ZNF107: variants seen among roughly 807,000 people sequenced by gnomAD.
The protein encoded by ZNF107 is zinc finger protein 107.
ZNF107 carries 19 observed loss-of-function variants against 12.3 expected under a neutral mutation model. That is an observed-to-expected ratio of 1.55 (90% CI 1.08 to 2.27). The LOEUF (loss-of-function observed/expected upper bound fraction) is 2.27. Ranked by LOEUF, ZNF107 falls within the 30% of genes most tolerant of loss-of-function variation. The probability of loss-of-function intolerance (pLI) is 0.00; values close to 1 mark genes in which losing one functional copy is unlikely to be tolerated. For missense variants in ZNF107, 958 were observed against 979.9 expected, an observed-to-expected ratio of 0.98 and a Z score of 0.30; for synonymous variants, 317 against 330.5, an observed-to-expected ratio of 0.96 and a Z score of 0.44.
rs144717847 is a variant in ZNF107, at chr7:64,666,688, G to T, written c.3+403G>T. On this transcript the variant is annotated intron_variant, in intron 1 of 3. Transcript: ENST00000620827. ...AATGGGAAAAGCTTTAGTCTGTGGG[G>T]TTCCTAGTCCATCTTTTTTCTCTTA... is the stretch of plus-strand genomic sequence containing the variant. Among the ~76,000 whole-genome samples the T allele has an allele frequency of 7.1e-3, 1,079 of 152,292 alleles. 13 individuals carry two copies. Among genetic ancestry groups the T allele is most frequent in the Middle Eastern group, 0.037 (11 of 294 alleles).
chr7:64,677,027 C>T (rs919586573), intron 1 of ZNF107, among the ~76,000 whole-genome samples: 1 of 152,148 alleles, frequency 6.6e-6, no homozygotes, highest in African/African-American at 2.4e-5. Context: ...ACATCCCACC[C>T]TTTTCCTTTT....
chr7:64,671,193 G>A (rs774939273), intron 1 of ZNF107, among the ~76,000 whole-genome samples: 4 of 152,046 alleles, frequency 2.6e-5, no homozygotes, highest in Non-Finnish European at 5.9e-5. Flanking sequence ...GTGATTCCAG[G>A]TCTCCTTCCA....
chr7:64,695,320 C>T (rs1001174593), intron 3 of ZNF107, among the ~76,000 whole-genome samples: 3 of 152,114 alleles, frequency 2.0e-5, no homozygotes, highest in Non-Finnish European at 2.9e-5. Context: ...TGAACTTTTA[C>T]TGCCACACAA....
intron 1 of ZNF107, among the ~76,000 whole-genome samples, chr7:64,673,952 T>A (rs764662047): frequency 2.0e-5 from 3 of 152,116 alleles, no homozygotes; most frequent in Non-Finnish European, 2.9e-5. Flanking sequence ...TTGTTGTTGT[T>A]GTTTTATTTT....
chr7:64,675,140 C>T (rs189855997), intron 1 of ZNF107, among the ~76,000 whole-genome samples: 65 of 152,152 alleles, frequency 4.3e-4, no homozygotes, highest in South Asian at 3.5e-3. Flanking sequence ...GGAAGAGTGC[C>T]TTCTCAATTT....
chr7:64,686,139 C>T (rs777330262), intron 1 of ZNF107, among the ~76,000 whole-genome samples: 3 of 152,122 alleles, frequency 2.0e-5, no homozygotes, highest in Non-Finnish European at 4.4e-5. Context: ...GTGGGCTATG[C>T]ACCTTTTTAG....
intron 1 of ZNF107, chr7:64,686,546 C>G: frequency 2.0e-6 from 2 of 985,388 alleles, no homozygotes; most frequent in Non-Finnish European, 2.4e-6. Flanking sequence ...CTTATTAAAA[C>G]AAAAAGACAG....
chr7:64,670,237 CTA>C (rs1225350300), intron 1 of ZNF107, among the ~76,000 whole-genome samples: 2 of 151,644 alleles, frequency 1.3e-5, no homozygotes, highest in East Asian at 3.9e-4. Context: ...GAAATACCAA[CTA>C]AAAGATCTTT....
intron 3 of ZNF107, among the ~76,000 whole-genome samples, chr7:64,699,905 A>G (rs1400932882): frequency 1.3e-5 from 2 of 151,942 alleles, no homozygotes; most frequent in Non-Finnish European, 2.9e-5. Context: ...CGTCTCTACT[A>G]AAAATACAAA....
chr7:64,707,977 G>A lies in ZNF107; in HGVS notation c.1880G>A (p.Gly627Asp). The A allele has an allele frequency of 6.2e-7, 1 of 1,613,352 alleles. No homozygotes were observed. The highest frequency in any genetic ancestry group is 8.5e-7 in the Non-Finnish European group (1 of 1,179,664). Residue 627 changes from glycine (G) to aspartate (D), a missense_variant, in exon 4 of 4, where the codon GGC becomes GAC. Coordinates refer to ENST00000620827, the MANE Select transcript of ZNF107 (RefSeq NM_001282359.2). Reference sequence around the variant, plus strand: ...AAACCCTACAAATGTGAAGAACATGGCAAAGTTTTTAACCAGTCCTCAAAC... The same window carrying A: ...AAACCCTACAAATGTGAAGAACATGACAAAGTTTTTAACCAGTCCTCAAAC... ...GEKPYKCEEH[G>D]KVFNQSSNLT... is the part of the protein sequence containing the mutation.
intron 1 of ZNF107, among the ~76,000 whole-genome samples, chr7:64,674,181 T>G (rs1239784785): frequency 2.6e-5 from 4 of 152,160 alleles, no homozygotes; most frequent in African/African-American, 9.7e-5. Flanking sequence ...GGAATAATAT[T>G]AGATCTGTAC....
rs187546473 is a variant in ZNF107, at chr7:64,679,296, C to T, written c.4-11952C>T. ...AGACCCACCCGCGACCTCGGTACCT[C>T]GGACCAGCTCTGTAAAAGCCCCGCC... On this transcript the variant is annotated intron_variant, in intron 1 of 3. Transcript: ENST00000620827. 43 of 985,158 alleles carry T rather than the reference C, an allele frequency of 4.4e-5. No homozygotes were observed. In the East Asian group the frequency reaches 3.6e-3, roughly 82 times the overall value. 61.0% of individuals were successfully genotyped at this position (985,158 alleles called of 1,614,324 possible).
In ZNF107 at chr7:64,710,238, C is replaced by G. The variant is rs1387508619; in HGVS notation, c.*1582C>G. 1.3e-5 allele frequency: 2 copies of G among 152,228 alleles called. No homozygotes were observed. Among genetic ancestry groups the G allele is most frequent in the Non-Finnish European group, 2.9e-5 (2 of 68,104 alleles). 9.4% of individuals were successfully genotyped at this position (152,228 alleles called of 1,614,324 possible). A position where few individuals can be genotyped will look rare whatever the true frequency, so the allele number is the denominator to read the frequency against. The stretch of plus-strand genomic sequence containing the variant: ...CAGATACTTTTGTACCCATTTTGCA[C>G]TAGAGGAAAACCATGAAGCAGTTGC... On this transcript the variant is annotated 3_prime_UTR_variant, in exon 4 of 4. Transcript: ENST00000620827.
Position 64,711,129 on chromosome 7 carries a change from A to G in ZNF107, c.*2473A>G, listed in dbSNP as rs1790874453. ...TGTTTTCATGCCACTGACTTTACCT[A>G]TCCCACATTACTCAAGGGTTTAGGT... On this transcript the variant is annotated 3_prime_UTR_variant, in exon 4 of 4. Coordinates refer to ENST00000620827, the MANE Select transcript of ZNF107 (RefSeq NM_001282359.2). 1 of 152,168 alleles carries G rather than the reference A, an allele frequency of 6.6e-6. No individual in the cohort carries two copies. The highest frequency in any genetic ancestry group is 1.5e-5 in the Non-Finnish European group (1 of 67,996). 9.4% of individuals were successfully genotyped at this position (152,168 alleles called of 1,614,324 possible).
chr7:64,699,226 G>T (rs555011711), intron 3 of ZNF107, among the ~76,000 whole-genome samples: 120 of 151,940 alleles, frequency 7.9e-4, no homozygotes, highest in African/African-American at 2.7e-3. Context: ...TATTGAATTT[G>T]TTCACCACTG....
At chr7:64,680,329 C>T (rs969426502) in intron 1 of ZNF107, among the ~76,000 whole-genome samples, 3 of 152,172 alleles carry the variant, frequency 2.0e-5, no homozygotes, top group East Asian at 1.9e-4. Flanking sequence ...CTTATAACCT[C>T]ACCTGGAGTG....
intron 1 of ZNF107, chr7:64,669,229 T>C (rs1018430967): frequency 6.6e-6 from 1 of 151,680 alleles, no homozygotes; most frequent in African/African-American, 2.4e-5. Flanking sequence ...TTGGGCAGGC[T>C]GGCCTTGAAC....
rs1306609757 is a variant in ZNF107 at position 64,709,000 on chromosome 7, C to T, written c.*344C>T. 6.6e-6 allele frequency: 3 copies of T among 455,898 alleles called. No homozygotes were observed. Among genetic ancestry groups the T allele is most frequent in the Non-Finnish European group, 1.3e-5 (3 of 238,644 alleles). 28.2% of individuals were successfully genotyped at this position (455,898 alleles called of 1,614,324 possible). A position where few individuals can be genotyped will look rare whatever the true frequency, so the allele number is the denominator to read the frequency against. On this transcript the variant is annotated 3_prime_UTR_variant, in exon 4 of 4. Coordinates refer to ENST00000620827, the MANE Select transcript of ZNF107 (RefSeq NM_001282359.2). Reference sequence around the variant, plus strand: ...TGTGGCAATGCCTTTAATCAGTCCTCACACCTTTCTACACATAAGATAATT... The same window carrying T: ...TGTGGCAATGCCTTTAATCAGTCCTTACACCTTTCTACACATAAGATAATT...
At chr7:64,687,641 T>C (rs1030927030) in intron 1 of ZNF107, 22 of 860,716 alleles carry the variant, frequency 2.6e-5, no homozygotes, top group African/African-American at 3.6e-5. Context: ...AATTAGCATA[T>C]ATGGATGACC....
Sources: gnomAD v4.1 joint callset for allele counts (sites outside exome capture counted in the v4.1 genomes callset) on GRCh38, gnomAD v4.1.1 for gene constraint, MANE v1.5 for transcripts, NCBI Gene and HGNC (gene_info 2026-07-23, HGNC 2026-07-21) for gene names.